The following DCUN1D1 variants were observed in gnomAD, a reference collection of about 807,000 sequenced individuals.
DCUN1D1 encodes defective in cullin neddylation 1 domain containing 1.
In DCUN1D1, 3 loss-of-function variants were observed where a neutral mutation model predicts 39.0. That is an observed-to-expected ratio of 0.08 (90% CI 0.04 to 0.20). DCUN1D1 has a LOEUF of 0.20. Among genes scored for constraint, DCUN1D1 ranks in the 10% least tolerant of loss-of-function variants. The probability of loss-of-function intolerance (pLI) is 1.00; values close to 1 mark genes in which losing one functional copy is unlikely to be tolerated. For missense variants in DCUN1D1, 158 were observed against 302.4 expected, an observed-to-expected ratio of 0.52 and a Z score of 3.54; for synonymous variants, 82 against 96.3, an observed-to-expected ratio of 0.85 and a Z score of 0.87.
At chr3:182,977,469 C>T (rs1169556342) in intron 1 of DCUN1D1, among the ~76,000 whole-genome samples, 4 of 151,926 alleles carry the variant, frequency 2.6e-5, no homozygotes, top group African/African-American at 7.3e-5. Context: ...GACGGAGTCT[C>T]GCTCTCGCCC....
At chr3:182,961,618 G>A (rs1343851451) in intron 3 of DCUN1D1, among the ~76,000 whole-genome samples, 1 of 152,090 alleles carries the variant, frequency 6.6e-6, no homozygotes, top group East Asian at 1.9e-4. Context: ...TAATTCACTA[G>A]ACTATCAACA....
intron 3 of DCUN1D1, 75 bp from the exon 4 acceptor site, chr3:182,961,431 G>C (rs1388193250): frequency 1.6e-6 from 2 of 1,278,476 alleles, no homozygotes; most frequent in Non-Finnish European, 2.2e-6. Context: ...TCCCATGAGG[G>C]CTTACATTTA....
chr3:182,941,618 T>G lies in DCUN1D1; in HGVS notation c.*3476A>C, dbSNP rs1261497465. ...TTTGATAAAATCTTATGAAAACATCTAAGTATTCAATATAAATCATACTGT... is the reference window on the plus strand; with the variant it reads ...TTTGATAAAATCTTATGAAAACATCGAAGTATTCAATATAAATCATACTGT... On this transcript the variant is annotated 3_prime_UTR_variant, in exon 7 of 7. Transcript: ENST00000292782. 6.6e-6 allele frequency: 1 copy of G among 152,146 alleles called. No homozygotes were observed. Among genetic ancestry groups the G allele is most frequent in the Non-Finnish European group, 1.5e-5 (1 of 67,984 alleles). 9.4% of individuals were successfully genotyped at this position (152,146 alleles called of 1,614,324 possible). A position where few individuals can be genotyped will look rare whatever the true frequency, so the allele number is the denominator to read the frequency against.
At chr3:182,945,861 AAACC>A (rs1376062292) in intron 6 of DCUN1D1, among the ~76,000 whole-genome samples, 6 of 152,224 alleles carry the variant, frequency 3.9e-5, no homozygotes, top group Admixed American at 1.3e-4. Context: ...TTTTTGTGTA[AAACC>A]TACCAGAAGA....
At chr3:182,970,471 A>G (rs1169766928) in intron 1 of DCUN1D1, among the ~76,000 whole-genome samples, 1 of 152,148 alleles carries the variant, frequency 6.6e-6, no homozygotes, top group Non-Finnish European at 1.5e-5. Context: ...ACAGCAAAAA[A>G]ATAAGATCCA....
At position 182,940,917 on chromosome 3, in the gene DCUN1D1, C is replaced by T. The variant is rs1726106515; in HGVS notation, c.*4177G>A. 1 of 152,066 alleles carries T rather than the reference C, an allele frequency of 6.6e-6. No homozygotes were observed. Among genetic ancestry groups the T allele is most frequent in the Non-Finnish European group, 1.5e-5 (1 of 68,002 alleles). 9.4% of individuals were successfully genotyped at this position (152,066 alleles called of 1,614,324 possible). ...TTTAAATAATTTCCCTTTAAAACTC[C>T]ATAAAGACATTACTTATTGAGAATT... On this transcript the variant is annotated 3_prime_UTR_variant, in exon 7 of 7. Coordinates refer to ENST00000292782, the MANE Select transcript of DCUN1D1 (RefSeq NM_020640.4).
chr3:182,978,771 A>C (rs904787387), intron 1 of DCUN1D1, among the ~76,000 whole-genome samples: 2 of 152,214 alleles, frequency 1.3e-5, no homozygotes, highest in Admixed American at 1.3e-4. Flanking sequence ...ATATCTTGTC[A>C]CCACTGGTAG....
chr3:182,961,517 T>C (rs1032697786), intron 3 of DCUN1D1, among the ~76,000 whole-genome samples, 161 bp from the exon 4 acceptor site: 2 of 152,144 alleles, frequency 1.3e-5, no homozygotes, highest in African/African-American at 2.4e-5. Flanking sequence ...TAAACACGCA[T>C]GGGGGTTAGC....
At chr3:182,973,239 C>T (rs1390736919) in intron 1 of DCUN1D1, among the ~76,000 whole-genome samples, 1 of 152,154 alleles carries the variant, frequency 6.6e-6, no homozygotes, top group Non-Finnish European at 1.5e-5. Flanking sequence ...GTGAATACAG[C>T]ATGAATAAGA....
In DCUN1D1 at chr3:182,943,677, G is replaced by A. The variant is rs1726250453; in HGVS notation, c.*1417C>T. 1 of 152,432 alleles carries A rather than the reference G, an allele frequency of 6.6e-6. No homozygotes were observed. Among genetic ancestry groups the A allele is most frequent in the Non-Finnish European group, 1.5e-5 (1 of 68,006 alleles). 9.4% of individuals were successfully genotyped at this position (152,432 alleles called of 1,614,324 possible). A position where few individuals can be genotyped will look rare whatever the true frequency, so the allele number is the denominator to read the frequency against. On this transcript the variant is annotated 3_prime_UTR_variant, in exon 7 of 7. Transcript: ENST00000292782. The stretch of plus-strand genomic sequence containing the variant: ...AGACCATAATCATCAAACATTTGAA[G>A]TATTACATTTCTAGCCTGCCTTACG...
chr3:182,976,710 T>A (rs1728257497), intron 1 of DCUN1D1, among the ~76,000 whole-genome samples: 1 of 152,170 alleles, frequency 6.6e-6, no homozygotes. Context: ...AACTATATAC[T>A]ATGTTTATTA....
At chr3:182,980,427 G>T in intron 1 of DCUN1D1, 60 bp downstream of exon 1, 1 of 1,029,436 alleles carries the variant, frequency 9.7e-7, no homozygotes, top group Non-Finnish European at 1.2e-6. Flanking sequence ...GCCGGGGCGG[G>T]GGTGCGCGGC....
intron 1 of DCUN1D1, among the ~76,000 whole-genome samples, chr3:182,973,547 G>A (rs1225420161): frequency 6.6e-6 from 1 of 152,174 alleles, no homozygotes; most frequent in East Asian, 1.9e-4. Flanking sequence ...AGTGGCTCAC[G>A]CCTATAATCC....
rs935013216 is a variant in DCUN1D1 at position 182,939,923 on chromosome 3, A to G, written c.*5171T>C. The G allele has an allele frequency of 1.3e-5, 2 of 152,214 alleles. No individual in the cohort carries two copies. The highest frequency in any genetic ancestry group is 4.8e-5 in the African/African-American group (2 of 41,452). The allele number at this position is 152,214 out of a possible 1,614,324, so 9.4% of individuals were successfully genotyped here. A position where few individuals can be genotyped will look rare whatever the true frequency, so the allele number is the denominator to read the frequency against. ...CTGGTTCATAGTTCGTTCATTTGAT[A>G]TATTCAACACAACGAAGTCTAATAT... On this transcript the variant is annotated 3_prime_UTR_variant, in exon 7 of 7. Transcript: ENST00000292782.
At chr3:182,958,900 ATT>A (rs1727233051) in intron 4 of DCUN1D1, among the ~76,000 whole-genome samples, 1 of 152,182 alleles carries the variant, frequency 6.6e-6, no homozygotes, top group South Asian at 2.1e-4. Flanking sequence ...AACACCATTT[ATT>A]TTGTGCTCCA....
chr3:182,971,241 A>T (rs185093397), intron 1 of DCUN1D1, among the ~76,000 whole-genome samples: 2 of 152,224 alleles, frequency 1.3e-5, no homozygotes, highest in Non-Finnish European at 2.9e-5. Context: ...TAACTAGCAC[A>T]TGGTAAGGAC....
chr3:182,973,059 G>A (rs763845733), intron 1 of DCUN1D1, among the ~76,000 whole-genome samples: 4 of 151,954 alleles, frequency 2.6e-5, no homozygotes, highest in Non-Finnish European at 4.4e-5. Flanking sequence ...AAAGGGGGGG[G>A]CTCTGTATTA....
rs1025338259 is a variant in DCUN1D1, at chr3:182,940,990, G to C, written c.*4104C>G. 2.6e-5 allele frequency: 4 copies of C among 151,880 alleles called. No individual in the cohort carries two copies. The highest frequency in any genetic ancestry group is 9.7e-5 in the African/African-American group (4 of 41,318). The allele number at this position is 151,880 out of a possible 1,614,324, so 9.4% of individuals were successfully genotyped here. On this transcript the variant is annotated 3_prime_UTR_variant, in exon 7 of 7. Coordinates refer to ENST00000292782, the MANE Select transcript of DCUN1D1 (RefSeq NM_020640.4). The stretch of plus-strand genomic sequence containing the variant: ...ATCTTTTACCATAACTTCCTTATTT[G>C]TGACAGATTTTTCAAAATCAACCAA...
At chr3:182,977,318 A>T (rs1308494419) in intron 1 of DCUN1D1, among the ~76,000 whole-genome samples, 1 of 152,240 alleles carries the variant, frequency 6.6e-6, no homozygotes, top group Admixed American at 6.5e-5. Context: ...CAGGTCTAAA[A>T]ATTCTATGAT....
Sources: allele counts gnomAD v4.1 joint callset (sites outside exome capture counted in the v4.1 genomes callset), GRCh38; gene constraint gnomAD v4.1.1; transcripts MANE v1.5; gene names NCBI Gene and HGNC (gene_info 2026-07-23, HGNC 2026-07-21).